The following SERINC1 variants were observed in gnomAD, a reference collection of about 807,000 sequenced individuals.
SERINC1 encodes the protein tumor differentially expressed protein 2.
A neutral mutation model predicts 52.9 loss-of-function variants in SERINC1; 38 were observed. The observed-to-expected ratio is 0.72, with a 90% CI of 0.55 to 0.94. SERINC1 has a LOEUF of 0.94. Ranked by LOEUF, SERINC1 falls within the 40% of genes least tolerant of loss-of-function variation. The pLI, the probability that SERINC1 is intolerant of heterozygous loss-of-function variation, is 0.00. For missense variants in SERINC1, 471 were observed against 533.9 expected (o/e 0.88, Z 1.16); for synonymous variants, 198 against 183.1 (o/e 1.08, Z -0.66).
At chr6:122,449,340 GA>G (rs1403868787) in intron 7 of SERINC1, among the ~76,000 whole-genome samples, 2 of 152,126 alleles carry the variant, frequency 1.3e-5, no homozygotes, top group African/African-American at 4.8e-5. Context: ...CGAATGCAAA[GA>G]AAAGAAAAAG....
chr6:122,449,642 A>G (rs981669377), intron 7 of SERINC1, among the ~76,000 whole-genome samples: 1 of 152,234 alleles, frequency 6.6e-6, no homozygotes, highest in African/African-American at 2.4e-5. Flanking sequence ...CCGTAACATA[A>G]AAGTATAAGG....
chr6:122,455,549 G>A (rs111941904), intron 3 of SERINC1, among the ~76,000 whole-genome samples: 1,919 of 152,112 alleles, frequency 0.013, 44 homozygotes, highest in African/African-American at 0.045. Context: ...CTTGCAGATG[G>A]CCTATTGTGG....
At chr6:122,459,731 A>G (rs1775067014) in intron 1 of SERINC1, among the ~76,000 whole-genome samples, 1 of 152,206 alleles carries the variant, frequency 6.6e-6, no homozygotes, top group African/African-American at 2.4e-5. Flanking sequence ...AATAAAAAAT[A>G]TTTTTTGTTA....
intron 7 of SERINC1, among the ~76,000 whole-genome samples, chr6:122,448,835 T>C (rs1455165454): frequency 6.6e-6 from 1 of 150,980 alleles, no homozygotes; most frequent in Non-Finnish European, 1.5e-5. Context: ...CTGTTCTTTT[T>C]ACAAATTGAA....
chr6:122,447,951 T>C (rs761358517), intron 7 of SERINC1, among the ~76,000 whole-genome samples: 17 of 151,872 alleles, frequency 1.1e-4, no homozygotes, highest in Non-Finnish European at 2.4e-4. Context: ...GCTTCTCTAC[T>C]AAAAATACAA....
chr6:122,471,284 G>T (rs1485376888), intron 1 of SERINC1, among the ~76,000 whole-genome samples: 4 of 151,998 alleles, frequency 2.6e-5, no homozygotes, highest in African/African-American at 9.7e-5. Context: ...GTCTGAGGTC[G>T]CCAGGAAAGA....
chr6:122,446,328 A>G (rs1410320676), intron 9 of SERINC1, among the ~76,000 whole-genome samples: 2 of 152,186 alleles, frequency 1.3e-5, no homozygotes, highest in East Asian at 3.8e-4. Context: ...AAGAATTCTA[A>G]GCTTGTAAAA....
Position 122,456,480 on chromosome 6 carries a change from C to T in SERINC1, c.371+1G>A. ...ATATTGAAGCTTATTTAAAAACTTA[C>T]CCATTGTGCACTGCAGCTCTAGGAT... is the stretch of plus-strand genomic sequence containing the variant. On this transcript the variant is annotated splice_donor_variant, in intron 3 of 9. Transcript: ENST00000339697. LOFTEE classifies it high-confidence loss of function. The T allele has an allele frequency of 6.5e-7, 1 of 1,535,764 alleles. No individual in the cohort carries two copies. The highest frequency in any genetic ancestry group is 8.7e-7 in the Non-Finnish European group (1 of 1,144,936).
chr6:122,446,544 A>T (rs1298884884), intron 9 of SERINC1, among the ~76,000 whole-genome samples: 2 of 152,150 alleles, frequency 1.3e-5, no homozygotes, highest in Non-Finnish European at 2.9e-5. Context: ...TTTCATGAAA[A>T]TTTTTATTTT....
At chr6:122,451,776 A>AAAAATATAT in intron 6 of SERINC1, 22 bp from the exon 7 acceptor site, 14 of 112,988 alleles carry the variant, frequency 1.2e-4, no homozygotes, top group South Asian at 6.3e-4. Flanking sequence ...AAAAAAAAAA[A>AAAAATATAT]ATATATATAT....
chr6:122,459,378 C>T (rs1266692363), intron 1 of SERINC1, among the ~76,000 whole-genome samples: 1 of 152,078 alleles, frequency 6.6e-6, no homozygotes, highest in East Asian at 1.9e-4. Flanking sequence ...GCTGAGATGT[C>T]AGACTTCTAG....
intron 1 of SERINC1, among the ~76,000 whole-genome samples, chr6:122,467,229 C>T (rs560557102): frequency 1.4e-4 from 21 of 152,272 alleles, no homozygotes; most frequent in African/African-American, 5.1e-4. Context: ...AGATAACCTC[C>T]AAGGTTCGAT....
intron 7 of SERINC1, 113 bp downstream of exon 7, chr6:122,451,551 C>A (rs919448179): frequency 7.8e-6 from 3 of 386,168 alleles, no homozygotes; most frequent in Non-Finnish European, 1.4e-5. Flanking sequence ...AAACTTTGTA[C>A]TTTATTCCTC....
chr6:122,468,829 C>T (rs997089307), intron 1 of SERINC1, among the ~76,000 whole-genome samples: 1 of 152,042 alleles, frequency 6.6e-6, no homozygotes, highest in African/African-American at 2.4e-5. Flanking sequence ...ACTCAGTAAT[C>T]ACTAGTTCTT....
chr6:122,454,007 T>C, intron 4 of SERINC1, 100 bp from the exon 5 acceptor site: 2 of 1,358,790 alleles, frequency 1.5e-6, no homozygotes, highest in East Asian at 2.5e-5. Context: ...AAATTTTATA[T>C]GAACATCTTG....
intron 1 of SERINC1, among the ~76,000 whole-genome samples, chr6:122,459,041 T>C (rs1474470995): frequency 6.6e-6 from 1 of 152,130 alleles, no homozygotes; most frequent in African/African-American, 2.4e-5. Context: ...CCCTGACCTT[T>C]AGCCCCCAGA....
intron 3 of SERINC1, 139 bp from the exon 4 acceptor site, chr6:122,454,369 G>C: frequency 1.7e-6 from 1 of 581,876 alleles, no homozygotes; most frequent in South Asian, 2.4e-5. Context: ...ATTATGATCT[G>C]GAGTGTAGCC....
Position 122,445,186 on chromosome 6 carries a change from T to C in SERINC1, c.1227-7A>G. ...CTCACGAGAGGGTTCATACCTAAAATTTCAGGGAAAATTATTAAAAAGGGG... is the reference window on the plus strand; with the variant it reads ...CTCACGAGAGGGTTCATACCTAAAACTTCAGGGAAAATTATTAAAAAGGGG... On this transcript the variant is annotated splice_polypyrimidine_tract_variant and splice_region_variant and intron_variant, in intron 9 of 9. Coordinates refer to ENST00000339697, the MANE Select transcript of SERINC1 (RefSeq NM_020755.4). The C allele has an allele frequency of 1.9e-6, 3 of 1,608,822 alleles. No individual in the cohort carries two copies. The highest frequency in any genetic ancestry group is 1.7e-6 in the Non-Finnish European group (2 of 1,178,612).
intron 1 of SERINC1, among the ~76,000 whole-genome samples, chr6:122,466,065 C>T (rs748162661): frequency 6.6e-6 from 1 of 151,946 alleles, no homozygotes; most frequent in Non-Finnish European, 1.5e-5. Flanking sequence ...GTGAAACAGT[C>T]TCTACTAAAA....
Sources: gnomAD v4.1 joint callset for allele counts (sites outside exome capture counted in the v4.1 genomes callset) on GRCh38, gnomAD v4.1.1 for gene constraint, MANE v1.5 for transcripts, NCBI Gene and HGNC (gene_info 2026-07-23, HGNC 2026-07-21) for gene names.